Variants in CGRRF1 observed in about 807,000 individuals in gnomAD.
CGRRF1 encodes cell growth regulator with ring finger domain 1, also known as cell growth regulator with RING finger domain protein 1.
CGRRF1 carries 32 observed loss-of-function variants against 37.2 expected under a neutral mutation model. The observed-to-expected ratio is 0.86, with a 90% CI of 0.65 to 1.16. The LOEUF (loss-of-function observed/expected upper bound fraction) is 1.16. Among genes scored for constraint, CGRRF1 ranks in the 50% most tolerant of loss-of-function variants. The pLI, the probability that CGRRF1 is intolerant of heterozygous loss-of-function variation, is 0.00. For missense variants in CGRRF1, 391 were observed against 382.6 expected (o/e 1.02, Z -0.18); for synonymous variants, 141 against 140.3 (o/e 1.00, Z -0.04).
At chr14:54,510,803 A>G (rs2032117359) in intron 1 of CGRRF1, among the ~76,000 whole-genome samples, 2 of 152,158 alleles carry the variant, frequency 1.3e-5, no homozygotes, top group Admixed American at 6.5e-5. Flanking sequence ...ATGTTTAGAC[A>G]AGCCTTGTAA....
At position 54,538,149 on chromosome 14, in the gene CGRRF1, A is replaced by G; in HGVS notation, c.765A>G (p.Glu255=). The G allele has an allele frequency of 1.9e-6, 3 of 1,614,178 alleles. No individual in the cohort carries two copies. The highest frequency in any genetic ancestry group is 2.5e-6 in the Non-Finnish European group (3 of 1,180,020). Reference sequence around the variant, plus strand: ...AAAACACAGACAGAAGTTTGTTGGAAAAGGTGGGACTCTCTGAAAGTGAAG... The same window carrying G: ...AAAACACAGACAGAAGTTTGTTGGAGAAGGTGGGACTCTCTGAAAGTGAAG... The part of the protein sequence containing the change: ...EEKNTDRSLL[E]KVGLSESEVE... Residue 255 remains glutamate (E), a synonymous_variant, in exon 6 of 6, where the codon GAA becomes GAG. Transcript: ENST00000216420.
chr14:54,534,282 G>T (rs1030980914), intron 4 of CGRRF1, among the ~76,000 whole-genome samples: 1 of 151,930 alleles, frequency 6.6e-6, no homozygotes, highest in Non-Finnish European at 1.5e-5. Flanking sequence ...GCACCACCAC[G>T]CCCAGTTAAT....
intron 2 of CGRRF1, among the ~76,000 whole-genome samples, chr14:54,523,698 C>G (rs1480334984): frequency 2.0e-5 from 3 of 152,042 alleles, no homozygotes; most frequent in African/African-American, 7.2e-5. Context: ...TATGGGTCCT[C>G]CATAGCCAGA....
intron 5 of CGRRF1, 33 bp downstream of exon 5, chr14:54,537,862 CTT>C (rs774491017): frequency 1.9e-6 from 3 of 1,571,588 alleles, no homozygotes; most frequent in Non-Finnish European, 2.6e-6. Flanking sequence ...ATCTCTGTCT[CTT>C]TTGTTTACAG....
chr14:54,514,777 C>G (rs895971928), intron 1 of CGRRF1, among the ~76,000 whole-genome samples: 2 of 152,166 alleles, frequency 1.3e-5, no homozygotes, highest in African/African-American at 4.8e-5. Context: ...TATCAGCATT[C>G]CCCCACATTT....
chr14:54,534,229 A>G (rs368652735), intron 4 of CGRRF1, among the ~76,000 whole-genome samples: 6 of 152,246 alleles, frequency 3.9e-5, no homozygotes, highest in East Asian at 1.9e-4. Flanking sequence ...GGTTCAAGCA[A>G]TTCTCCTGCC....
At chr14:54,527,145 G>C (rs775272667) in intron 2 of CGRRF1, among the ~76,000 whole-genome samples, 23 of 151,856 alleles carry the variant, frequency 1.5e-4, no homozygotes, top group Non-Finnish European at 3.2e-4. Context: ...TAATGCTATT[G>C]ATCTAAAGTG....
At chr14:54,521,420 CAT>C (rs2032314691) in intron 1 of CGRRF1, among the ~76,000 whole-genome samples, 2 of 151,398 alleles carry the variant, frequency 1.3e-5, no homozygotes, top group Non-Finnish European at 2.9e-5. Context: ...AAGATCACGC[CAT>C]TGCACTCCAG....
intron 2 of CGRRF1, among the ~76,000 whole-genome samples, chr14:54,523,609 C>T (rs2032359197): frequency 1.3e-5 from 2 of 149,712 alleles, no homozygotes; most frequent in African/African-American, 4.9e-5. Context: ...TGGAGTGATA[C>T]ATTAAAGAAA....
chr14:54,527,158 G>A (rs2032426218), intron 2 of CGRRF1, among the ~76,000 whole-genome samples: 1 of 152,040 alleles, frequency 6.6e-6, no homozygotes, highest in South Asian at 2.1e-4. Flanking sequence ...CTAAAGTGAT[G>A]TCATGTGTGT....
At chr14:54,532,953 A>AT (rs1229262253) in intron 4 of CGRRF1, among the ~76,000 whole-genome samples, 1 of 152,018 alleles carries the variant, frequency 6.6e-6, no homozygotes, top group East Asian at 1.9e-4. Context: ...TGTGTGCCCC[A>AT]TCTCTGCTGA....
chr14:54,537,638 G>A, intron 4 of CGRRF1, 84 bp from the exon 5 acceptor site: 1 of 1,303,284 alleles, frequency 7.7e-7, no homozygotes, highest in African/African-American at 1.5e-5. Flanking sequence ...ACAGTGTCTA[G>A]AAGCAGTTGA....
chr14:54,525,092 A>G (rs748113368), intron 2 of CGRRF1, among the ~76,000 whole-genome samples: 1 of 152,212 alleles, frequency 6.6e-6, no homozygotes, highest in Non-Finnish European at 1.5e-5. Context: ...TGGTGGTTCA[A>G]TAACCTCCCA....
intron 1 of CGRRF1, chr14:54,510,363 T>G (rs967938702): frequency 2.4e-6 from 1 of 414,320 alleles, no homozygotes; most frequent in African/African-American, 2.0e-5. Context: ...GGGCTTGGGC[T>G]TGGGCTTGGT....
At chr14:54,514,492 A>C (rs779851956) in intron 1 of CGRRF1, among the ~76,000 whole-genome samples, 2 of 152,214 alleles carry the variant, frequency 1.3e-5, no homozygotes, top group Non-Finnish European at 2.9e-5. Flanking sequence ...AAGGTTTGTT[A>C]CATAGGTAAA....
chr14:54,534,125 G>GTT (rs1251568374), intron 4 of CGRRF1, among the ~76,000 whole-genome samples: 2 of 148,276 alleles, frequency 1.3e-5, no homozygotes, highest in Non-Finnish European at 1.5e-5. Context: ...GACAAAATTG[G>GTT]TTTTTTTTTT....
intron 1 of CGRRF1, among the ~76,000 whole-genome samples, chr14:54,521,134 A>G (rs987116305): frequency 2.0e-5 from 3 of 152,202 alleles, no homozygotes; most frequent in African/African-American, 7.2e-5. Context: ...TAGAAGATAT[A>G]TAAATGAAGA....
At chr14:54,513,616 G>GT (rs1379707756) in intron 1 of CGRRF1, among the ~76,000 whole-genome samples, 227 of 151,080 alleles carry the variant, frequency 1.5e-3, no homozygotes, top group African/African-American at 5.0e-3. Flanking sequence ...GTTATGTTAT[G>GT]TAATGTTATG....
At chr14:54,518,688 C>T (rs1298144429) in intron 1 of CGRRF1, among the ~76,000 whole-genome samples, 1 of 151,878 alleles carries the variant, frequency 6.6e-6, no homozygotes, top group African/African-American at 2.4e-5. Flanking sequence ...TTGCATTTCT[C>T]TAATGATCAG....
Sources: gnomAD v4.1 joint callset for allele counts (sites outside exome capture counted in the v4.1 genomes callset) on GRCh38, gnomAD v4.1.1 for gene constraint, MANE v1.5 for transcripts, NCBI Gene and HGNC (gene_info 2026-07-23, HGNC 2026-07-21) for gene names.